SRGAP2: variants seen among roughly 807,000 people sequenced by gnomAD.
SRGAP2 encodes SLIT-ROBO Rho GTPase-activating protein 2.
A neutral mutation model predicts 57.2 loss-of-function variants in SRGAP2; 15 were observed. The ratio of observed to expected loss-of-function variants is 0.26; its 90% CI spans 0.18 to 0.40. The LOEUF (loss-of-function observed/expected upper bound fraction) is 0.40, where lower values mean the gene tolerates loss of function less well. Among genes scored for constraint, SRGAP2 ranks in the 10% least tolerant of loss-of-function variants. The pLI, the probability that SRGAP2 is intolerant of heterozygous loss-of-function variation, is 1.00. For missense variants in SRGAP2, 520 were observed against 669.6 expected (o/e 0.78, Z 2.47); for synonymous variants, 249 against 248.0 (o/e 1.00, Z -0.04).
At chr1:206,361,459 C>CT in intron 4 of SRGAP2, among the ~76,000 whole-genome samples, 1 of 152,316 alleles carries the variant, frequency 6.6e-6, no homozygotes, top group East Asian at 1.9e-4. Context: ...GCCCACTTTG[C>CT]CTCCTGGAGA....
intron 2 of SRGAP2, among the ~76,000 whole-genome samples, chr1:206,208,734 A>G (rs1354437488): frequency 9.9e-5 from 15 of 151,948 alleles, no homozygotes; most frequent in East Asian, 5.8e-4. Context: ...TGTGTGTTAT[A>G]TGGGACTCAT....
intron 4 of SRGAP2, among the ~76,000 whole-genome samples, chr1:206,370,255 G>A (rs1654408110): frequency 6.6e-6 from 1 of 151,128 alleles, no homozygotes; most frequent in Non-Finnish European, 1.5e-5. Context: ...GACAGAGCGA[G>A]ACTCCATCTC....
At chr1:206,289,567 G>A (rs1314297168) in intron 2 of SRGAP2, among the ~76,000 whole-genome samples, 3 of 151,200 alleles carry the variant, frequency 2.0e-5, no homozygotes, top group African/African-American at 7.3e-5. Context: ...GTGAGCCACC[G>A]CGCCCAGCTG....
In SRGAP2 at chr1:206,440,044, C is replaced by G; in HGVS notation, c.1837C>G (p.Leu613Val). Residue 613 changes from leucine to valine, a missense_variant, in exon 17 of 23, where the codon CTG (leucine) becomes GTG (valine). Physicochemically the swap from Leu to Val is conservative, Grantham distance 32. Coordinates refer to ENST00000573034, the MANE Select transcript of SRGAP2 (RefSeq NM_015326.5). ...KVLLVLPKTT[L>V]IIMRYLFAFL... is the part of the protein sequence containing the mutation. ...CCTCCTAGTCCTGCCCAAAACCACT[C>G]TGATTATCATGAGATACCTCTTTGC... The G allele has an allele frequency of 1.3e-6, 1 of 780,918 alleles. No homozygotes were observed. The allele number at this position is 780,918 out of a possible 1,614,324, so 48.4% of individuals were successfully genotyped here.
chr1:206,248,630 C>G (rs554389399), intron 2 of SRGAP2, among the ~76,000 whole-genome samples: 59 of 152,176 alleles, frequency 3.9e-4, no homozygotes, highest in South Asian at 8.3e-4. Flanking sequence ...CTGGGTTGGA[C>G]ACTAGGTGAC....
intron 17 of SRGAP2, among the ~76,000 whole-genome samples, chr1:206,443,090 G>A (rs2103346282): frequency 6.6e-6 from 1 of 152,288 alleles, no homozygotes; most frequent in Non-Finnish European, 1.5e-5. Context: ...CCAGAAAAGT[G>A]CATGCTAAAA....
Position 206,462,334 on chromosome 1 carries a change from A to C in SRGAP2, c.*914A>C, listed in dbSNP as rs547826147. On this transcript the variant is annotated 3_prime_UTR_variant, in exon 23 of 23. Coordinates refer to ENST00000573034, the MANE Select transcript of SRGAP2 (RefSeq NM_015326.5). The stretch of plus-strand genomic sequence containing the variant: ...TTTTCCATTTAAGACATTTTCCTGT[A>C]TAAGACAGTTTTATAGCTGGTTCCT... 6.6e-6 allele frequency: 1 copy of C among 152,604 alleles called. No homozygotes were observed. The highest frequency in any genetic ancestry group is 1.5e-5 in the Non-Finnish European group (1 of 68,028). 9.5% of individuals were successfully genotyped at this position (152,604 alleles called of 1,614,324 possible). A position where few individuals can be genotyped will look rare whatever the true frequency, so the allele number is the denominator to read the frequency against.
intron 12 of SRGAP2, among the ~76,000 whole-genome samples, chr1:206,420,759 G>A (rs141108328): frequency 3.2e-4 from 48 of 152,250 alleles, no homozygotes; most frequent in Non-Finnish European, 2.2e-4. Flanking sequence ...GATTCTCAAG[G>A]TTGTTTCCAA....
rs1490777625 is a variant in SRGAP2, at chr1:206,203,599, C to T, written c.-594C>T. On this transcript the variant is annotated 5_prime_UTR_variant, in exon 1 of 23. Transcript: ENST00000573034. Reference sequence around the variant, plus strand: ...TGGCGGGGAAGAGAGGGGAGGAGAGCTCTGAGTGGGAAGCGGAGCCGGGGG... The same window carrying T: ...TGGCGGGGAAGAGAGGGGAGGAGAGTTCTGAGTGGGAAGCGGAGCCGGGGG... 5 of 596,134 alleles carry T rather than the reference C, an allele frequency of 8.4e-6. No individual in the cohort carries two copies. Among genetic ancestry groups the T allele is most frequent in the African/African-American group, 1.9e-5 (1 of 53,600 alleles). 36.9% of individuals were successfully genotyped at this position (596,134 alleles called of 1,614,324 possible). A position where few individuals can be genotyped will look rare whatever the true frequency, so the allele number is the denominator to read the frequency against.
At chr1:206,375,437 C>G (rs1252792285) in intron 4 of SRGAP2, among the ~76,000 whole-genome samples, 1 of 152,066 alleles carries the variant, frequency 6.6e-6, no homozygotes, top group African/African-American at 2.4e-5. Flanking sequence ...ACATTACGCC[C>G]CCACTCAAAT....
chr1:206,373,868 C>T (rs1463413724), intron 4 of SRGAP2, among the ~76,000 whole-genome samples: 1 of 149,770 alleles, frequency 6.7e-6, no homozygotes, highest in East Asian at 2.0e-4. Flanking sequence ...ATCATCACCC[C>T]AATGAGAGAT....
In SRGAP2 at chr1:206,226,520, A is replaced by G. The variant is rs570613845; in HGVS notation, c.67+20483A>G. On this transcript the variant is annotated intron_variant, in intron 2 of 22. Coordinates refer to ENST00000573034, the MANE Select transcript of SRGAP2 (RefSeq NM_015326.5). The stretch of plus-strand genomic sequence containing the variant: ...TGCCATCAACTATGTGGCCCTGGGT[A>G]AGTCTCTAACCTCTCCTGGCCTCAG... 3.0e-3 allele frequency among the ~76,000 whole-genome samples: 463 copies of G among 152,282 alleles called. 1 individual carries two copies. Among genetic ancestry groups the G allele is most frequent in the African/African-American group, 0.011 (446 of 41,554 alleles).
At chr1:206,226,803 C>T (rs560013457) in intron 2 of SRGAP2, among the ~76,000 whole-genome samples, 12 of 152,260 alleles carry the variant, frequency 7.9e-5, no homozygotes, top group East Asian at 3.9e-4. Context: ...CGTGAAATGA[C>T]GTGCCATGTT....
intron 14 of SRGAP2, among the ~76,000 whole-genome samples, chr1:206,432,868 C>T (rs1661393345): frequency 6.6e-6 from 1 of 152,206 alleles, no homozygotes; most frequent in African/African-American, 2.4e-5. Flanking sequence ...ACACTATACA[C>T]TGTAGAGTAT....
In SRGAP2 at chr1:206,438,043, G is replaced by C; in HGVS notation, c.1713G>C (p.Gly571=). 1.3e-6 allele frequency: 1 copy of C among 780,882 alleles called. No individual in the cohort carries two copies. The highest frequency in any genetic ancestry group is 2.4e-6 in the Non-Finnish European group (1 of 417,974). The allele number at this position is 780,882 out of a possible 1,614,324, so 48.4% of individuals were successfully genotyped here. A position where few individuals can be genotyped will look rare whatever the true frequency, so the allele number is the denominator to read the frequency against. ...IAGVLKLYFR[G]LEHPLFPKDI... ...GTGTCCTGAAGCTTTACTTCCGGGGGCTGGAACACCCTCTCTTCCCCAAGG... is the reference window on the plus strand; with the variant it reads ...GTGTCCTGAAGCTTTACTTCCGGGGCCTGGAACACCCTCTCTTCCCCAAGG... Residue 571 remains glycine, a synonymous_variant, in exon 16 of 23, where the codon GGG becomes GGC. Transcript: ENST00000573034.
At chr1:206,443,678 G>T (rs782462616) in intron 17 of SRGAP2, among the ~76,000 whole-genome samples, 1 of 152,028 alleles carries the variant, frequency 6.6e-6, no homozygotes, top group African/African-American at 2.4e-5. Flanking sequence ...ATTACACCGC[G>T]CCTGGCCTAG....
chr1:206,442,978 C>A (rs1662445627), intron 17 of SRGAP2, among the ~76,000 whole-genome samples: 1 of 152,084 alleles, frequency 6.6e-6, no homozygotes, highest in Non-Finnish European at 1.5e-5. Flanking sequence ...TCTCAAGGAA[C>A]CAAAAAAGCT....
intron 20 of SRGAP2, chr1:206,453,819 T>G: frequency 3.2e-6 from 1 of 313,534 alleles, no homozygotes; most frequent in Middle Eastern, 8.4e-4. Flanking sequence ...CACTTGCAAA[T>G]TAAAATGACT....
chr1:206,375,360 TGGG>T (rs1553344136), intron 4 of SRGAP2, among the ~76,000 whole-genome samples: 1 of 151,566 alleles, frequency 6.6e-6, no homozygotes, highest in African/African-American at 2.4e-5. Flanking sequence ...GCTTGGGAAA[TGGG>T]GTGATCACTC....
Sources: gnomAD v4.1 joint callset for allele counts (sites outside exome capture counted in the v4.1 genomes callset) on GRCh38, gnomAD v4.1.1 for gene constraint, MANE v1.5 for transcripts, NCBI Gene and HGNC (gene_info 2026-07-23, HGNC 2026-07-21) for gene names.